ABCB1: variants seen among roughly 807,000 people sequenced by gnomAD.
ABCB1 encodes the protein ATP binding cassette subfamily B member 1.
Under a neutral mutation model 142.0 loss-of-function variants are expected in ABCB1, and 69 were observed. The observed-to-expected ratio is 0.49, with a 90% CI of 0.40 to 0.59. The LOEUF (loss-of-function observed/expected upper bound fraction) is 0.59. Ranked by LOEUF, ABCB1 falls within the 20% of genes least tolerant of loss-of-function variation. The probability of loss-of-function intolerance (pLI) is 0.00; values close to 1 mark genes in which losing one functional copy is unlikely to be tolerated. For synonymous variants in ABCB1, 532 were observed against 539.2 expected (o/e 0.99, Z 0.18); for missense variants, 1,326 against 1,554.7 (o/e 0.85, Z 2.47).
At chr7:87,703,311 TA>T (rs1702741302) in intron 1 of ABCB1, among the ~76,000 whole-genome samples, 1 of 152,154 alleles carries the variant, frequency 6.6e-6, no homozygotes, top group Non-Finnish European at 1.5e-5. Context: ...ATGTTCAAAT[TA>T]AATATTTTGT....
chr7:87,541,160 G>A (rs1233647773), intron 18 of ABCB1, among the ~76,000 whole-genome samples, 197 bp downstream of exon 18: 2 of 152,110 alleles, frequency 1.3e-5, no homozygotes, highest in African/African-American at 4.8e-5. Flanking sequence ...GGAGGTAAGG[G>A]TGGAGAGGAG....
rs777331491 is a variant in ABCB1 at position 87,633,743 on chromosome 7, T to C, written c.-330-32665A>G. 4.4e-4 allele frequency among the ~76,000 whole-genome samples: 67 copies of C among 152,264 alleles called. 1 individual carries two copies. Among genetic ancestry groups the C allele is most frequent in the Middle Eastern group, 3.4e-3 (1 of 294 alleles). ...CTTTAGAACTCTGAACTTCTTAACA[T>C]TCTGGTGCTAACTAATCAGAAAAAC... On this transcript the variant is annotated intron_variant, in intron 1 of 28. Coordinates refer to the ABCB1 transcript ENST00000265724.
At chr7:87,552,388 A>G (rs1817111972) in intron 9 of ABCB1, among the ~76,000 whole-genome samples, 1 of 152,200 alleles carries the variant, frequency 6.6e-6, no homozygotes, top group African/African-American at 2.4e-5. Flanking sequence ...CATTCCTGTC[A>G]TATCATTTGG....
intron 1 of ABCB1, among the ~76,000 whole-genome samples, chr7:87,623,543 T>C (rs1276355543): frequency 1.3e-5 from 2 of 152,216 alleles, no homozygotes; most frequent in Non-Finnish European, 1.5e-5. Flanking sequence ...CTGTCTGCAC[T>C]CCCTTCCATG....
At chr7:87,669,802 A>G (rs896507639) in intron 1 of ABCB1, among the ~76,000 whole-genome samples, 1 of 152,086 alleles carries the variant, frequency 6.6e-6, no homozygotes, top group Non-Finnish European at 1.5e-5. Flanking sequence ...TGGGCCCCCA[A>G]TCTCTTCTGG....
intron 1 of ABCB1, among the ~76,000 whole-genome samples, chr7:87,692,614 T>G (rs1341189273): frequency 1.3e-5 from 2 of 152,212 alleles, no homozygotes; most frequent in Non-Finnish European, 2.9e-5. Flanking sequence ...TTAAGTCAGA[T>G]TTTCATGGAA....
rs193139725 is a variant in ABCB1, at chr7:87,584,641, A to G, written c.286+871T>C. Among the ~76,000 whole-genome samples the G allele has an allele frequency of 2.4e-4, 36 of 152,150 alleles. 1 individual carries two copies. Among genetic ancestry groups the G allele is most frequent in the Non-Finnish European group, 4.7e-4 (32 of 68,018 alleles). ...CCACTTTCCTTGAGAGCTGTGTTAC[A>G]TCTGTTTTCTCTGTCTCTATCAGCC... On this transcript the variant is annotated intron_variant, in intron 4 of 27. Coordinates refer to ENST00000622132, the MANE Select transcript of ABCB1 (RefSeq NM_001348946.2).
chr7:87,550,172 A>G lies in ABCB1; in HGVS notation c.1349T>C (p.Met450Thr), dbSNP rs201987648. The change falls in exon 12 of 28, where the codon ATG (methionine) becomes ACG (threonine). Residue 450 changes from methionine (M) to threonine (T), a missense_variant and splice_region_variant. Coordinates refer to ENST00000622132, the MANE Select transcript of ABCB1 (RefSeq NM_001348946.2). ...MQRLYDPTEG[M>T]VSVDGQDIRT... ...TCTAGCTCGCATGGGTCATCTCACC[A>G]TCCCCTCTGTGGGGTCATAGAGCCT... is the stretch of plus-strand genomic sequence containing the variant. 1.2e-5 allele frequency: 20 copies of G among 1,614,070 alleles called. No homozygotes were observed. The highest frequency in any genetic ancestry group is 1.6e-5 in the Non-Finnish European group (19 of 1,180,034).
intron 1 of ABCB1, among the ~76,000 whole-genome samples, chr7:87,627,107 A>G (rs1820709908): frequency 6.6e-6 from 1 of 152,120 alleles, no homozygotes; most frequent in Non-Finnish European, 1.5e-5. Context: ...AGAATAGTAG[A>G]ATAAAATTAG....
At chr7:87,678,506 C>T (rs1422796327) in intron 1 of ABCB1, among the ~76,000 whole-genome samples, 1 of 151,772 alleles carries the variant, frequency 6.6e-6, no homozygotes, top group Non-Finnish European at 1.5e-5. Flanking sequence ...TAAAATGGAA[C>T]ATTAAAACAT....
At chr7:87,512,927 G>C (rs1452726970) in intron 25 of ABCB1, among the ~76,000 whole-genome samples, 1 of 152,150 alleles carries the variant, frequency 6.6e-6, no homozygotes, top group Non-Finnish European at 1.5e-5. Context: ...TTCTGTGTCT[G>C]ACCTTTTATA....
At chr7:87,604,596 A>G (rs1819579759), upstream of ABCB1, among the ~76,000 whole-genome samples, 1 of 152,110 alleles carries the variant, frequency 6.6e-6, no homozygotes, top group South Asian at 2.1e-4. Flanking sequence ...GTTGGATTAC[A>G]TCAGATTGCT....
intron 1 of ABCB1, among the ~76,000 whole-genome samples, chr7:87,638,567 C>T (rs1822078442): frequency 6.6e-6 from 1 of 151,512 alleles, no homozygotes; most frequent in South Asian, 2.1e-4. Flanking sequence ...GTATGAGTTT[C>T]AGTAGGTTTT....
Position 87,637,018 on chromosome 7 carries a change from T to TA in ABCB1, c.-330-35941dup, listed in dbSNP as rs1821841306. On this transcript the variant is annotated intron_variant, in intron 1 of 28. Transcript: ENST00000265724. ...ACCAAGCAAAGGGGGAAGCCCCTTATAAAACCATCAGCTCTCGTGAGCTCT... is the reference window on the plus strand; with the variant it reads ...ACCAAGCAAAGGGGGAAGCCCCTTATAAAAACCATCAGCTCTCGTGAGCTCT... 2.0e-5 allele frequency among the ~76,000 whole-genome samples: 3 copies of TA among 152,264 alleles called. No homozygotes were observed. In the South Asian group the frequency reaches 6.2e-4, roughly 32 times the overall value.
chr7:87,585,940 G>T (rs948273869), intron 3 of ABCB1, among the ~76,000 whole-genome samples: 2 of 152,274 alleles, frequency 1.3e-5, no homozygotes, highest in African/African-American at 4.8e-5. Context: ...TAATGAGAAG[G>T]ATGGGACATT....
At chr7:87,593,956 C>T (rs547438302) in intron 3 of ABCB1, among the ~76,000 whole-genome samples, 1 of 152,334 alleles carries the variant, frequency 6.6e-6, no homozygotes. Context: ...GTCTGAATCA[C>T]TGAAGCTGGG....
chr7:87,616,235 G>T (rs1360182421), intron 1 of ABCB1, among the ~76,000 whole-genome samples: 1 of 152,140 alleles, frequency 6.6e-6, no homozygotes, highest in Non-Finnish European at 1.5e-5. Flanking sequence ...AGTTTGTTGT[G>T]ATTTCTGCAT....
At chr7:87,591,202 A>G (rs1818986500) in intron 3 of ABCB1, among the ~76,000 whole-genome samples, 1 of 152,162 alleles carries the variant, frequency 6.6e-6, no homozygotes, top group African/African-American at 2.4e-5. Flanking sequence ...GAGTCTAGAA[A>G]TGCAAGTGTC....
In ABCB1 at chr7:87,554,537, G is replaced by A. The variant is rs373618724; in HGVS notation, c.828-605C>T. Among the ~76,000 whole-genome samples the A allele has an allele frequency of 1.6e-4, 24 of 152,220 alleles. No homozygotes were observed. In the East Asian group the frequency reaches 3.1e-3, roughly 20 times the overall value. Reference sequence around the variant, plus strand: ...AAGCTGTACAATTTATCTTACTTCCGTAGACATTTATTTTAAAAATCACTG... The same window carrying A: ...AAGCTGTACAATTTATCTTACTTCCATAGACATTTATTTTAAAAATCACTG... On this transcript the variant is annotated intron_variant, in intron 8 of 27. Transcript: ENST00000622132.
Sources: allele counts gnomAD v4.1 joint callset (sites outside exome capture counted in the v4.1 genomes callset), GRCh38; gene constraint gnomAD v4.1.1; transcripts MANE v1.5; gene names NCBI Gene and HGNC (gene_info 2026-07-23, HGNC 2026-07-21).